CACNA1S: variants seen among roughly 807,000 people sequenced by gnomAD.
The protein encoded by CACNA1S is calcium voltage-gated channel subunit alpha1 S.
A neutral mutation model predicts 207.4 loss-of-function variants in CACNA1S; 126 were observed. That is an observed-to-expected ratio of 0.61 (90% CI 0.53 to 0.70). The LOEUF (loss-of-function observed/expected upper bound fraction) is 0.70. Among genes scored for constraint, CACNA1S ranks in the 30% least tolerant of loss-of-function variants. CACNA1S has a pLI of 0.00. For synonymous variants in CACNA1S, 960 were observed against 932.7 expected (o/e 1.03, Z -0.53); for missense variants, 2,349 against 2,422.8 (o/e 0.97, Z 0.64).
Position 201,075,494 on chromosome 1 carries a change from C to T in CACNA1S, c.1948+1G>A, listed in dbSNP as rs745712829. The T allele has an allele frequency of 2.7e-5, 43 of 1,606,036 alleles. No individual in the cohort carries two copies. The highest frequency in any genetic ancestry group is 3.3e-5 in the Non-Finnish European group (39 of 1,175,124). ...TCTGCACCCTGCTCCCGAGAGGATA[C>T]AGTTGCCACAGACGAAAAGGATGAT... On this transcript the variant is annotated splice_donor_variant, in intron 13 of 43. Transcript: ENST00000362061. LOFTEE classifies it high-confidence loss of function.
chr1:201,044,038 G>A (rs1660388150), intron 39 of CACNA1S, among the ~76,000 whole-genome samples: 1 of 152,206 alleles, frequency 6.6e-6, no homozygotes, highest in South Asian at 2.1e-4. Context: ...TTTGATCCTG[G>A]AGGGCCTCTG....
At chr1:201,055,878 G>A (rs1165073941) in intron 28 of CACNA1S, among the ~76,000 whole-genome samples, 3 of 152,166 alleles carry the variant, frequency 2.0e-5, no homozygotes, top group Non-Finnish European at 4.4e-5. Flanking sequence ...CCGCTACACA[G>A]ACCTCAGATT....
intron 14 of CACNA1S, 69 bp from the exon 15 acceptor site, chr1:201,073,711 C>G (rs932000919): frequency 8.1e-7 from 1 of 1,228,704 alleles, no homozygotes; most frequent in Non-Finnish European, 1.2e-6. Context: ...CCTGACAACA[C>G]CTTCAGGAGG....
At chr1:201,070,099 T>C (rs1261604639) in intron 17 of CACNA1S, among the ~76,000 whole-genome samples, 173 bp downstream of exon 17, 1 of 152,254 alleles carries the variant, frequency 6.6e-6, no homozygotes, top group Non-Finnish European at 1.5e-5. Flanking sequence ...GTTTAAAGCA[T>C]TACTTTTCCC....
intron 6 of CACNA1S, 152 bp from the exon 7 acceptor site, chr1:201,088,081 T>G: frequency 1.5e-6 from 1 of 685,504 alleles, no homozygotes. Context: ...AGGACTAGTC[T>G]GGAAGAACTT....
At chr1:201,044,228 T>C (rs886946322) in intron 39 of CACNA1S, 100 bp downstream of exon 39, 2 of 1,479,474 alleles carry the variant, frequency 1.4e-6, no homozygotes, top group East Asian at 2.3e-5. Context: ...TCAGCTCCCA[T>C]GTCCCCCTCT....
At position 201,041,549 on chromosome 1, in the gene CACNA1S, G is replaced by T. The variant is rs1572015005; in HGVS notation, c.5089C>A (p.Pro1697Thr). The T allele has an allele frequency of 6.2e-7, 1 of 1,614,206 alleles. No individual in the cohort carries two copies. The highest frequency in any genetic ancestry group is 8.5e-7 in the Non-Finnish European group (1 of 1,180,006). ...CCAAGGGCTCGTCCTCTGGTAGCAG[G>T]CGTCTCTGTCTCTTCTGGGAACTCC... The part of the protein sequence containing the change: ...EREFPEETET[P>T]ATRGRALGQP... The change falls in exon 41 of 44, where the codon CCT becomes ACT. Residue 1697 changes from proline to threonine, a missense_variant. Coordinates refer to ENST00000362061, the MANE Select transcript of CACNA1S (RefSeq NM_000069.3).
chr1:201,073,778 G>A, intron 14 of CACNA1S, 136 bp from the exon 15 acceptor site: 1 of 798,508 alleles, frequency 1.3e-6, no homozygotes, highest in South Asian at 1.3e-5. Flanking sequence ...GCCCCCAAAT[G>A]GGAAGGGCAG....
rs139533358 is a variant in CACNA1S, at chr1:201,101,472, G to A, written c.259-7451C>T. On this transcript the variant is annotated intron_variant, in intron 2 of 43. Coordinates refer to ENST00000362061, the MANE Select transcript of CACNA1S (RefSeq NM_000069.3). ...AAAAAAGAGCTAGGATGGAACAAAA[G>A]TAAAACGTTTAGCAACTTTGACACA... 5.1e-3 allele frequency among the ~76,000 whole-genome samples: 770 copies of A among 152,344 alleles called. 5 individuals are homozygous for A. The highest frequency in any genetic ancestry group is 7.4e-3 in the Non-Finnish European group (504 of 68,030).
At chr1:201,065,808 G>A (rs1395292136) in intron 22 of CACNA1S, 30 bp downstream of exon 22, 1 of 1,511,184 alleles carries the variant, frequency 6.6e-7, no homozygotes, top group South Asian at 1.1e-5. Context: ...GGAGCGGGAG[G>A]GGGAGCTGCT....
At chr1:201,108,647 C>T (rs556624909) in intron 2 of CACNA1S, among the ~76,000 whole-genome samples, 4 of 152,298 alleles carry the variant, frequency 2.6e-5, no homozygotes, top group African/African-American at 9.6e-5. Flanking sequence ...TCCTTCCACA[C>T]TCAGGAGCTC....
In CACNA1S at chr1:201,066,815, A is replaced by G. The variant is rs1572039941; in HGVS notation, c.2657+72T>C. ...GCAGGGGCCCACCAACATGGGTGGG[A>G]CTCCCACTACAAAGCCCTGGCACAG... is the stretch of plus-strand genomic sequence containing the variant. On this transcript the variant is annotated intron_variant, in intron 20 of 43. Transcript: ENST00000362061. This position sits in a 1 kb window ranked among gnomAD's most constrained non-coding sequence, Gnocchi z 4.3. The G allele has an allele frequency of 1.7e-5, 19 of 1,111,914 alleles. No homozygotes were observed. The highest frequency in any genetic ancestry group is 2.6e-5 in the South Asian group (2 of 75,972). 68.9% of individuals were successfully genotyped at this position (1,111,914 alleles called of 1,614,324 possible).
At position 201,068,638 on chromosome 1, in the gene CACNA1S, T is replaced by C. The variant is rs112090787; in HGVS notation, c.2550+499A>G. On this transcript the variant is annotated intron_variant, in intron 19 of 43. Coordinates refer to ENST00000362061, the MANE Select transcript of CACNA1S (RefSeq NM_000069.3). ...CTGTAATCCCAGCACTTTGGGAGGCTGAGGTGGGCGGATCACAAGGTCAGC... is the reference window on the plus strand; with the variant it reads ...CTGTAATCCCAGCACTTTGGGAGGCCGAGGTGGGCGGATCACAAGGTCAGC... 9.6e-3 allele frequency among the ~76,000 whole-genome samples: 1,464 copies of C among 151,750 alleles called. 28 individuals carry two copies. The highest frequency in any genetic ancestry group is 0.034 in the Middle Eastern group (10 of 294).
chr1:201,043,598 G>T, intron 39 of CACNA1S, 67 bp from the exon 40 acceptor site: 13 of 1,413,908 alleles, frequency 9.2e-6, no homozygotes, highest in Non-Finnish European at 1.3e-5. Context: ...CTGTCACTCT[G>T]GGACAGTGGT....
chr1:201,071,763 G>A (rs562184746), intron 16 of CACNA1S, among the ~76,000 whole-genome samples: 16 of 152,256 alleles, frequency 1.1e-4, no homozygotes, highest in African/African-American at 3.9e-4. Context: ...CTCAAAATGA[G>A]TTATTCTAAA....
In CACNA1S at chr1:201,109,045, C is replaced by T. The variant is rs560692298; in HGVS notation, c.258+1119G>A. Reference sequence around the variant, plus strand: ...GGTGGATCACCTGAGGTCAGGAGTTCGAGGCCAGCCTGGCCAACATGGCGA... The same window carrying T: ...GGTGGATCACCTGAGGTCAGGAGTTTGAGGCCAGCCTGGCCAACATGGCGA... On this transcript the variant is annotated intron_variant, in intron 2 of 43. Coordinates refer to ENST00000362061, the MANE Select transcript of CACNA1S (RefSeq NM_000069.3). Among the ~76,000 whole-genome samples the T allele has an allele frequency of 3.3e-5, 5 of 152,206 alleles. No homozygotes were observed. The East Asian group carries it at 7.7e-4, about 24-fold the overall frequency.
Position 201,087,806 on chromosome 1 carries a change from G to A in CACNA1S, c.1004+20C>T. 1 of 1,519,818 alleles carries A rather than the reference G, an allele frequency of 6.6e-7. No homozygotes were observed. Among genetic ancestry groups the A allele is most frequent in the Non-Finnish European group, 9.1e-7 (1 of 1,096,532 alleles). The allele number at this position is 1,519,818 out of a possible 1,614,324, so 94.1% of individuals were successfully genotyped here. On this transcript the variant is annotated intron_variant, in intron 7 of 43. Transcript: ENST00000362061. Reference sequence around the variant, plus strand: ...CCTCCTCTTTCTCTTTTCTCCCCTGGCTACCTTTGAATTTCTTACCCACTC... The same window carrying A: ...CCTCCTCTTTCTCTTTTCTCCCCTGACTACCTTTGAATTTCTTACCCACTC...
intron 3 of CACNA1S, among the ~76,000 whole-genome samples, chr1:201,092,644 C>G (rs1384686829): frequency 6.6e-6 from 1 of 152,230 alleles, no homozygotes; most frequent in Non-Finnish European, 1.5e-5. Context: ...CCAAATACTT[C>G]TAACGGCAGA....
chr1:201,097,814 C>T (rs890975478), intron 2 of CACNA1S, among the ~76,000 whole-genome samples: 4 of 152,148 alleles, frequency 2.6e-5, no homozygotes, highest in Non-Finnish European at 5.9e-5. Context: ...GAAGGCACCG[C>T]CAACTGGTGA....
Sources: gnomAD v4.1 joint callset for allele counts (sites outside exome capture counted in the v4.1 genomes callset) on GRCh38, gnomAD v4.1.1 for gene constraint, Gnocchi (gnomAD v3.1) non-coding constraint, MANE v1.5 for transcripts, NCBI Gene and HGNC (gene_info 2026-07-23, HGNC 2026-07-21) for gene names.